Variants in DAPK1 observed in about 807,000 individuals in gnomAD.
DAPK1 encodes the protein death-associated protein kinase 1.
A neutral mutation model predicts 144.9 loss-of-function variants in DAPK1; 56 were observed. That is an observed-to-expected ratio of 0.39 (90% CI 0.31 to 0.48). DAPK1 has a LOEUF of 0.48. DAPK1 is among the 20% of genes least tolerant of loss of function. The pLI, the probability that DAPK1 is intolerant of heterozygous loss-of-function variation, is 0.95. For synonymous variants in DAPK1, 690 were observed against 749.0 expected (o/e 0.92, Z 1.29); for missense variants, 1,454 against 1,875.4 (o/e 0.78, Z 4.15).
At chr9:87,682,233 C>T (rs892690526) in intron 20 of DAPK1, among the ~76,000 whole-genome samples, 3 of 152,212 alleles carry the variant, frequency 2.0e-5, no homozygotes, top group Non-Finnish European at 4.4e-5. Flanking sequence ...GGAACGTTTG[C>T]TGCCTTCCGG....
intron 2 of DAPK1, among the ~76,000 whole-genome samples, chr9:87,523,201 C>T (rs544775308): frequency 3.9e-5 from 6 of 152,300 alleles, no homozygotes; most frequent in Non-Finnish European, 7.3e-5. Context: ...AGTCTTTCAC[C>T]GTCCCAGACA....
Position 87,700,104 on chromosome 9 carries a change from G to T in DAPK1, c.2751-13G>T. 6.2e-7 allele frequency: 1 copy of T among 1,610,468 alleles called. No individual in the cohort carries two copies. Among genetic ancestry groups the T allele is most frequent in the East Asian group, 2.2e-5 (1 of 44,864 alleles). ...TTGACTCACTGCTGAGGAGGCTGCT[G>T]CTCTTCCCTTAGGTTTGGAAATGAT... On this transcript the variant is annotated splice_polypyrimidine_tract_variant and intron_variant, in intron 23 of 25. Coordinates refer to ENST00000408954, the MANE Select transcript of DAPK1 (RefSeq NM_004938.4).
At chr9:87,546,821 C>T (rs1826268818) in intron 2 of DAPK1, among the ~76,000 whole-genome samples, 1 of 152,042 alleles carries the variant, frequency 6.6e-6, no homozygotes. Context: ...GAAGAGGCTG[C>T]ACTGCCTAGA....
At chr9:87,700,072 G>T (rs1825408285) in intron 23 of DAPK1, 45 bp from the exon 24 acceptor site, 1 of 1,573,960 alleles carries the variant, frequency 6.4e-7, no homozygotes, top group South Asian at 1.1e-5. Flanking sequence ...TAAAAGGCCT[G>T]GGGACATTGA....
rs770205112 is a variant in DAPK1 at position 87,649,866 on chromosome 9, A to G, written c.1429-55A>G. 416 of 1,578,338 alleles carry G rather than the reference A, an allele frequency of 2.6e-4. 2 individuals are homozygous for G. The Middle Eastern group carries it at 6.3e-3, about 24-fold the overall frequency. ...GACAGGGACTCTCACCTTGCTTTAT[A>G]CTTTGTTTCTCATTATTGTGTTCTC... On this transcript the variant is annotated intron_variant, in intron 15 of 25. Coordinates refer to ENST00000408954, the MANE Select transcript of DAPK1 (RefSeq NM_004938.4).
chr9:87,540,382 C>CAGG, intron 2 of DAPK1, among the ~76,000 whole-genome samples: 1 of 151,556 alleles, frequency 6.6e-6, no homozygotes, highest in East Asian at 1.9e-4. Flanking sequence ...GTAGAGATGC[C>CAGG]GTTTTGCCAT....
At chr9:87,643,172 A>G (rs1419009265) in intron 10 of DAPK1, among the ~76,000 whole-genome samples, 1 of 152,118 alleles carries the variant, frequency 6.6e-6, no homozygotes, top group Non-Finnish European at 1.5e-5. Context: ...AAGACCTTTA[A>G]AATTATTCTT....
chr9:87,615,313 A>G (rs1354850253), intron 3 of DAPK1, among the ~76,000 whole-genome samples: 5 of 152,236 alleles, frequency 3.3e-5, no homozygotes, highest in Non-Finnish European at 7.3e-5. Context: ...GCAAATGAGG[A>G]ACATCAGGGA....
intron 2 of DAPK1, among the ~76,000 whole-genome samples, chr9:87,546,291 G>A (rs1231975804): frequency 6.6e-6 from 1 of 152,232 alleles, no homozygotes; most frequent in Non-Finnish European, 1.5e-5. Context: ...GGCAGTGGGA[G>A]TGAGGGGAAA....
rs1475321240 is a variant in DAPK1, at chr9:87,686,007, G to A, written c.2225-544G>A. 6.6e-6 allele frequency among the ~76,000 whole-genome samples: 1 copy of A among 152,040 alleles called. No individual in the cohort carries two copies. Among genetic ancestry groups the A allele is most frequent in the Non-Finnish European group, 1.5e-5 (1 of 68,006 alleles). On this transcript the variant is annotated intron_variant, in intron 20 of 25. Transcript: ENST00000408954. The surrounding 1 kb of genome is among the most constrained non-coding windows in gnomAD (Gnocchi z 4.2). The stretch of plus-strand genomic sequence containing the variant: ...CAAGAACAACTGAAAGGCCTTCAAG[G>A]GAATTTCAAAAAGGAGTAGCTTTCA...
At chr9:87,687,782 C>T (rs927102665) in intron 21 of DAPK1, among the ~76,000 whole-genome samples, 4 of 149,732 alleles carry the variant, frequency 2.7e-5, no homozygotes, top group Non-Finnish European at 5.9e-5. Flanking sequence ...ATTCTCTTTT[C>T]TCTGCATCAT....
chr9:87,508,079 C>G (rs1018765953), intron 2 of DAPK1, among the ~76,000 whole-genome samples: 1 of 151,998 alleles, frequency 6.6e-6, no homozygotes, highest in South Asian at 2.1e-4. Context: ...GTGGCATGCT[C>G]TTGGCTCGCT....
At chr9:87,689,744 G>A (rs565782944) in intron 21 of DAPK1, among the ~76,000 whole-genome samples, 57 of 152,198 alleles carry the variant, frequency 3.7e-4, no homozygotes, top group African/African-American at 1.4e-3. Flanking sequence ...TTTCCCAGCA[G>A]CGTTTATTTA....
intron 2 of DAPK1, among the ~76,000 whole-genome samples, chr9:87,568,629 C>T (rs1827220910): frequency 6.6e-6 from 1 of 152,122 alleles, no homozygotes; most frequent in East Asian, 1.9e-4. Flanking sequence ...CCTGACCGTG[C>T]CTCCTCCGTC....
intron 25 of DAPK1, 137 bp downstream of exon 25, chr9:87,703,354 C>T (rs1825524182): frequency 5.0e-6 from 3 of 603,802 alleles, no homozygotes; most frequent in Admixed American, 2.8e-5. Context: ...AACATTTCCA[C>T]ACGTGTGACA....
chr9:87,516,752 C>T (rs569285792), intron 2 of DAPK1, among the ~76,000 whole-genome samples: 27 of 152,266 alleles, frequency 1.8e-4, no homozygotes, highest in Non-Finnish European at 3.4e-4. Context: ...AGTATGTAGG[C>T]ACCCTGCGAT....
Position 87,681,596 on chromosome 9 carries a change from C to G in DAPK1, c.2194C>G (p.Pro732Ala). The G allele has an allele frequency of 6.2e-7, 1 of 1,605,140 alleles. No homozygotes were observed. Among genetic ancestry groups the G allele is most frequent in the Non-Finnish European group, 8.5e-7 (1 of 1,171,758 alleles). The change falls in exon 20 of 26, where the codon CCA becomes GCA. Residue 732 changes from proline (P) to alanine (A), a missense_variant. Physicochemically the swap from Pro to Ala is conservative, Grantham distance 27. This residue lies in a region of DAPK1 where 1,025 missense variants were observed against 1,237.9 expected (regional missense o/e 0.83). Coordinates refer to ENST00000408954, the MANE Select transcript of DAPK1 (RefSeq NM_004938.4). ...RLSSTNSSRF[P>A]PSPLASKPTV... ...GTCTTCCACCAACTCCAGCAGGTTC[C>G]CACCTTCACCCCTGGCTTCTAAGCC...
intron 3 of DAPK1, among the ~76,000 whole-genome samples, chr9:87,622,873 T>A (rs1829350804): frequency 6.6e-6 from 1 of 152,044 alleles, no homozygotes; most frequent in Admixed American, 6.6e-5. Context: ...ATTGCACCAC[T>A]GCACCCCAGC....
intron 2 of DAPK1, among the ~76,000 whole-genome samples, chr9:87,590,400 A>C (rs1283096224): frequency 2.0e-5 from 3 of 148,016 alleles, no homozygotes; most frequent in Non-Finnish European, 3.0e-5. Flanking sequence ...AGAAAAGAAA[A>C]GAAAAAGGAA....
Sources: allele counts gnomAD v4.1 joint callset (sites outside exome capture counted in the v4.1 genomes callset), GRCh38; gene constraint gnomAD v4.1.1; regional missense constraint gnomAD v4.1.1; non-coding constraint Gnocchi (gnomAD v3.1); transcripts MANE v1.5; gene names NCBI Gene and HGNC (gene_info 2026-07-23, HGNC 2026-07-21).